BIN1: variants seen among roughly 807,000 people sequenced by gnomAD.
BIN1 encodes the protein myc box-dependent-interacting protein 1.
Under a neutral mutation model 82.0 loss-of-function variants are expected in BIN1, and 53 were observed. That is an observed-to-expected ratio of 0.65 (90% CI 0.52 to 0.81). The LOEUF is 0.81. Among genes scored for constraint, BIN1 ranks in the 40% least tolerant of loss-of-function variants. The probability of loss-of-function intolerance (pLI) is 0.00; values close to 1 mark genes in which losing one functional copy is unlikely to be tolerated. For missense variants in BIN1, 642 were observed against 784.4 expected, an observed-to-expected ratio of 0.82 and a Z score of 2.17; for synonymous variants, 302 against 328.0, an observed-to-expected ratio of 0.92 and a Z score of 0.86.
intron 15 of BIN1, 58 bp from the exon 16 acceptor site, chr2:127,051,301 G>A: frequency 6.3e-7 from 1 of 1,580,520 alleles, no homozygotes; most frequent in East Asian, 2.3e-5. Context: ...CCAGGACACA[G>A]GAAACAGGCC....
intron 7 of BIN1, among the ~76,000 whole-genome samples, chr2:127,066,572 G>A (rs186055904): frequency 3.9e-5 from 6 of 152,310 alleles, no homozygotes; most frequent in Admixed American, 1.3e-4. Flanking sequence ...TGAACTGACT[G>A]GCAGGGCATA....
intron 8 of BIN1, 82 bp from the exon 9 acceptor site, chr2:127,063,728 A>G: frequency 6.7e-7 from 1 of 1,484,338 alleles, no homozygotes; most frequent in Non-Finnish European, 9.3e-7. Flanking sequence ...ACGAGCGACC[A>G]CACACGCTCA....
intron 9 of BIN1, 136 bp downstream of exon 9, chr2:127,063,435 G>T (rs1684752479): frequency 2.1e-6 from 2 of 954,548 alleles, no homozygotes; most frequent in Non-Finnish European, 3.2e-6. Context: ...CACAGGGCCG[G>T]GAGGGAGCCC....
intron 1 of BIN1, among the ~76,000 whole-genome samples, chr2:127,104,502 G>T (rs559792926): frequency 6.6e-6 from 1 of 152,246 alleles, no homozygotes; most frequent in African/African-American, 2.4e-5. Flanking sequence ...ACGCCAGGAC[G>T]CCAGGACTCT....
chr2:127,087,867 G>A (rs375609162), intron 1 of BIN1, among the ~76,000 whole-genome samples: 3 of 152,074 alleles, frequency 2.0e-5, no homozygotes, highest in Admixed American at 6.6e-5. Context: ...CCCTCCCCTC[G>A]GGACCATCCC....
chr2:127,063,396 G>T (rs1440986656), intron 9 of BIN1, among the ~76,000 whole-genome samples, 175 bp downstream of exon 9: 2 of 152,112 alleles, frequency 1.3e-5, no homozygotes, highest in Non-Finnish European at 2.9e-5. Flanking sequence ...TGCCCTCCTG[G>T]GCCCAGGCAC....
chr2:127,068,102 G>A lies in BIN1; in HGVS notation c.612+61C>T, dbSNP rs968806731. The A allele has an allele frequency of 1.3e-5, 20 of 1,525,334 alleles. No homozygotes were observed. The highest frequency in any genetic ancestry group is 8.2e-5 in the African/African-American group (6 of 72,816). 94.5% of individuals were successfully genotyped at this position (1,525,334 alleles called of 1,614,324 possible). A position where few individuals can be genotyped will look rare whatever the true frequency, so the allele number is the denominator to read the frequency against. On this transcript the variant is annotated intron_variant, in intron 7 of 18. Transcript: ENST00000316724. This position sits in a 1 kb window ranked among gnomAD's most constrained non-coding sequence, Gnocchi z 4.9. ...CCAGCCCTGCATTCCACCGCAGGGC[G>A]AGAGGACAGGACGACAGACCGGAAG...
intron 1 of BIN1, among the ~76,000 whole-genome samples, chr2:127,078,499 G>A (rs1241614851): frequency 1.3e-5 from 2 of 152,140 alleles, no homozygotes; most frequent in Non-Finnish European, 2.9e-5. Context: ...TGCTCAAGGT[G>A]ACTAGAGGTC....
At chr2:127,074,996 C>T (rs1361928166) in intron 2 of BIN1, among the ~76,000 whole-genome samples, 2 of 152,128 alleles carry the variant, frequency 1.3e-5, no homozygotes, top group African/African-American at 2.4e-5. Context: ...CTACAGTGCC[C>T]GGCCAGCTCA....
intron 4 of BIN1, 72 bp downstream of exon 4, chr2:127,070,481 A>G (rs1454617755): frequency 6.4e-7 from 1 of 1,556,678 alleles, no homozygotes; most frequent in African/African-American, 1.4e-5. Flanking sequence ...CCCAGAGGGC[A>G]CGGCAGAGTG....
At chr2:127,104,272 T>C (rs1040872742) in intron 1 of BIN1, among the ~76,000 whole-genome samples, 1 of 152,224 alleles carries the variant, frequency 6.6e-6, no homozygotes, top group South Asian at 2.1e-4. Context: ...CACCTGGATG[T>C]GCCCTGCCGT....
At chr2:127,052,579 T>A in intron 14 of BIN1, 2 of 583,782 alleles carry the variant, frequency 3.4e-6, no homozygotes, top group Non-Finnish European at 6.1e-6. Context: ...CTGCCCAAGC[T>A]CAGCACCTAC....
chr2:127,048,508 G>C lies in BIN1; in HGVS notation c.*18C>G. 3.7e-6 allele frequency: 6 copies of C among 1,610,940 alleles called. No homozygotes were observed. Among genetic ancestry groups the C allele is most frequent in the Non-Finnish European group, 5.1e-6 (6 of 1,177,466 alleles). On this transcript the variant is annotated 3_prime_UTR_variant, in exon 19 of 19. Transcript: ENST00000316724. The stretch of plus-strand genomic sequence containing the variant: ...GGAGGTGTTCTTCACACGCCCGGAG[G>C]CTGCCTGGGCCCCGCCGTCATGGGA...
rs1682452068 is a variant in BIN1, at chr2:127,048,487, G to GT, written c.*38dup. 6.4e-7 allele frequency: 1 copy of GT among 1,561,606 alleles called. No individual in the cohort carries two copies. Among genetic ancestry groups the GT allele is most frequent in the African/African-American group, 1.4e-5 (1 of 73,786 alleles). On this transcript the variant is annotated 3_prime_UTR_variant, in exon 19 of 19. Transcript: ENST00000316724. ...AGAACCACACATTTTTCGGGAGGAG[G>GT]TGTTCTTCACACGCCCGGAGGCTGC...
chr2:127,061,948 T>G (rs1055492396), intron 10 of BIN1, among the ~76,000 whole-genome samples, 167 bp downstream of exon 10: 1 of 152,118 alleles, frequency 6.6e-6, no homozygotes, highest in African/African-American at 2.4e-5. Context: ...GACAGAGACC[T>G]GCCCTCACCT....
intron 1 of BIN1, among the ~76,000 whole-genome samples, chr2:127,100,969 C>G (rs1285691274): frequency 7.1e-6 from 1 of 139,946 alleles, no homozygotes; most frequent in African/African-American, 2.8e-5. Context: ...TCCAAGAATT[C>G]AGTGAGACTT....
At chr2:127,101,001 G>GGGGC (rs757926602) in intron 1 of BIN1, among the ~76,000 whole-genome samples, 6 of 128,760 alleles carry the variant, frequency 4.7e-5, no homozygotes, top group South Asian at 2.7e-4. Context: ...GGAATGTGCG[G>GGGGC]GGGGTGGGGA....
At chr2:127,050,545 G>A (rs1457768638) in intron 17 of BIN1, 23 bp from the exon 18 acceptor site, 2 of 1,613,378 alleles carry the variant, frequency 1.2e-6, no homozygotes, top group African/African-American at 2.7e-5. Context: ...CGGATCGCAA[G>A]TCAGACCTTC....
rs770689393 is a variant in BIN1, at chr2:127,063,623, G to A, written c.722C>T (p.Thr241Met). Residue 241 changes from threonine to methionine, a missense_variant, in exon 9 of 19, where the codon ACG (threonine) becomes ATG (methionine). Coordinates refer to ENST00000316724, the MANE Select transcript of BIN1 (RefSeq NM_139343.3). ...WNSRVGFYVN[T>M]FQSIAGLEEN... ...CTCCAGGCCCGCGATGCTCTGGAACGTGTTGACGTAGAAACCTACGCGGCT... is the reference window on the plus strand; with the variant it reads ...CTCCAGGCCCGCGATGCTCTGGAACATGTTGACGTAGAAACCTACGCGGCT... 1.1e-5 allele frequency: 18 copies of A among 1,613,988 alleles called. No homozygotes were observed. The highest frequency in any genetic ancestry group is 2.2e-5 in the East Asian group (1 of 44,874).
Sources: allele counts gnomAD v4.1 joint callset (sites outside exome capture counted in the v4.1 genomes callset), GRCh38; gene constraint gnomAD v4.1.1; non-coding constraint Gnocchi (gnomAD v3.1); transcripts MANE v1.5; gene names NCBI Gene and HGNC (gene_info 2026-07-23, HGNC 2026-07-21).